ERCC6L2: variants seen among roughly 807,000 people sequenced by gnomAD.
ERCC6L2 encodes ERCC excision repair 6 like 2.
ERCC6L2 carries 77 observed loss-of-function variants against 132.0 expected under a neutral mutation model. The ratio of observed to expected loss-of-function variants is 0.58; its 90% confidence interval spans 0.49 to 0.71. ERCC6L2 has a LOEUF of 0.71. Ranked by LOEUF, ERCC6L2 falls within the 30% of genes least tolerant of loss-of-function variation. The pLI is 0.00. For synonymous variants in ERCC6L2, 583 were observed against 632.4 expected (o/e 0.92, Z 1.17); for missense variants, 1,542 against 1,837.6 (o/e 0.84, Z 2.94).
intron 16 of ERCC6L2, among the ~76,000 whole-genome samples, chr9:95,975,206 G>A (rs897658160): frequency 6.6e-6 from 1 of 152,044 alleles, no homozygotes; most frequent in Non-Finnish European, 1.5e-5. Context: ...TGGTCCACAG[G>A]TAACTACACA....
At chr9:96,001,781 C>G (rs1056474936) in intron 17 of ERCC6L2, among the ~76,000 whole-genome samples, 11 of 152,212 alleles carry the variant, frequency 7.2e-5, no homozygotes, top group African/African-American at 2.7e-4. Context: ...TGGCGCTCGT[C>G]GGGGAGGCTT....
In ERCC6L2 at chr9:95,928,655, T is replaced by C. The variant is rs997252999; in HGVS notation, c.1606-64T>C. On this transcript the variant is annotated intron_variant, in intron 10 of 18. Coordinates refer to ENST00000653738, the MANE Select transcript of ERCC6L2 (RefSeq NM_020207.7). The stretch of plus-strand genomic sequence containing the variant: ...ATTAATACTTAACAAGTCTCAACTT[T>C]GTAATGGTCTGAAACTTACTTAACC... 11 of 1,418,392 alleles carry C rather than the reference T, an allele frequency of 7.8e-6. No individual in the cohort carries two copies. In the African/African-American group the frequency reaches 1.0e-4, roughly 13 times the overall value. 87.9% of individuals were successfully genotyped at this position (1,418,392 alleles called of 1,614,324 possible).
intron 19 of ERCC6L2, among the ~76,000 whole-genome samples, chr9:96,037,523 C>T (rs917348576): frequency 1.3e-5 from 2 of 152,128 alleles, no homozygotes; most frequent in Non-Finnish European, 2.9e-5. Flanking sequence ...AGATAGAAGG[C>T]CCTGAGGTTC....
intron 13 of ERCC6L2, among the ~76,000 whole-genome samples, chr9:95,957,948 A>G (rs1831695387): frequency 6.6e-6 from 1 of 151,578 alleles, no homozygotes; most frequent in Non-Finnish European, 1.5e-5. Flanking sequence ...ACATATGTAT[A>G]CATGTGCCAT....
intron 19 of ERCC6L2, among the ~76,000 whole-genome samples, chr9:96,029,093 A>G (rs1300677524): frequency 1.3e-5 from 2 of 152,070 alleles, no homozygotes; most frequent in Non-Finnish European, 2.9e-5. Flanking sequence ...TCACAAGGTC[A>G]GGAGATCGAG....
chr9:95,976,816 T>C (rs1832691522), intron 16 of ERCC6L2, among the ~76,000 whole-genome samples: 1 of 152,226 alleles, frequency 6.6e-6, no homozygotes, highest in African/African-American at 2.4e-5. Flanking sequence ...GTCTGACTTA[T>C]TCCCCAAAAA....
chr9:96,006,710 G>A (rs1018475978), intron 18 of ERCC6L2, among the ~76,000 whole-genome samples: 2 of 152,128 alleles, frequency 1.3e-5, no homozygotes, highest in African/African-American at 2.4e-5. Context: ...CACAGGCCAC[G>A]CTCTGGCCTT....
At chr9:95,997,236 A>G (rs1002818425) in intron 17 of ERCC6L2, among the ~76,000 whole-genome samples, 2 of 152,248 alleles carry the variant, frequency 1.3e-5, no homozygotes, top group African/African-American at 4.8e-5. Flanking sequence ...CAAAATATCT[A>G]CATTAACAGA....
chr9:95,981,779 C>T (rs1832903442), intron 17 of ERCC6L2, among the ~76,000 whole-genome samples: 1 of 152,140 alleles, frequency 6.6e-6, no homozygotes, highest in South Asian at 2.1e-4. Context: ...CTCCTTTTCT[C>T]AGTCAACTGC....
chr9:95,939,626 C>T (rs148631253), intron 11 of ERCC6L2, among the ~76,000 whole-genome samples: 91 of 152,228 alleles, frequency 6.0e-4, no homozygotes, highest in Non-Finnish European at 9.9e-4. Context: ...AGCTATTTTT[C>T]CATTCCAAAA....
chr9:95,901,917 C>T (rs1828798830), intron 3 of ERCC6L2, among the ~76,000 whole-genome samples: 1 of 152,082 alleles, frequency 6.6e-6, no homozygotes, highest in South Asian at 2.1e-4. Flanking sequence ...TCATTTAAAA[C>T]AATGTATGTT....
rs561181958 is a variant in ERCC6L2 at position 95,973,391 on chromosome 9, T to G, written c.3337+303T>G. 2.2e-4 allele frequency among the ~76,000 whole-genome samples: 34 copies of G among 152,276 alleles called. 1 individual carries two copies. The highest frequency in any genetic ancestry group is 1.2e-3 in the South Asian group (6 of 4,824). ...ACTTATTTACATTTATATGGTTTTA[T>G]CACCAAATGTGCATCCCCAGGTGAA... On this transcript the variant is annotated intron_variant, in intron 16 of 18. Transcript: ENST00000653738.
chr9:95,937,160 T>C (rs1305902618), intron 11 of ERCC6L2, among the ~76,000 whole-genome samples: 1 of 152,210 alleles, frequency 6.6e-6, no homozygotes, highest in African/African-American at 2.4e-5. Context: ...TGCTGCATTA[T>C]GTGATAGTTG....
intron 4 of ERCC6L2, among the ~76,000 whole-genome samples, chr9:95,910,911 G>A (rs1357247133): frequency 6.6e-6 from 1 of 152,024 alleles, no homozygotes; most frequent in Non-Finnish European, 1.5e-5. Flanking sequence ...CAGACCTCAG[G>A]TTTTGTTTTG....
intron 16 of ERCC6L2, among the ~76,000 whole-genome samples, chr9:95,976,836 A>G (rs1430482513): frequency 6.6e-6 from 1 of 152,212 alleles, no homozygotes; most frequent in African/African-American, 2.4e-5. Flanking sequence ...ACTATATGAA[A>G]GAAGCTGAGA....
Position 95,972,531 on chromosome 9 carries a change from G to C in ERCC6L2, c.2780G>C (p.Gly927Ala). The change falls in exon 16 of 19, where the codon GGA (glycine) becomes GCA (alanine). Residue 927 changes from glycine to alanine, a missense_variant. Gly to Ala is a moderately conservative substitution (Grantham distance 60). This residue lies in a region of ERCC6L2 where 945 missense variants were observed against 1,105.2 expected (regional missense o/e 0.86). Coordinates refer to ENST00000653738, the MANE Select transcript of ERCC6L2 (RefSeq NM_020207.7). ...ATAAGGTTTAAGCCACCCTTGGAAG[G>C]ATCTGAGGATTCTGAAACAGAACAC... ...NSIRFKPPLEGSEDSETEHTV... is the reference protein window; with the variant it reads ...NSIRFKPPLEASEDSETEHTV... 1 of 1,289,948 alleles carries C rather than the reference G, an allele frequency of 7.8e-7. No homozygotes were observed. Among genetic ancestry groups the C allele is most frequent in the Non-Finnish European group, 1.0e-6 (1 of 988,894 alleles). 79.9% of individuals were successfully genotyped at this position (1,289,948 alleles called of 1,614,324 possible). A position where few individuals can be genotyped will look rare whatever the true frequency, so the allele number is the denominator to read the frequency against.
At position 95,876,006 on chromosome 9, in the gene ERCC6L2, A is replaced by G. The variant is rs690528; in HGVS notation, c.-33A>G. 0.3 allele frequency: 474,938 copies of G among 1,570,194 alleles called. 73,488 individuals carry two copies. The highest frequency in any genetic ancestry group is 0.34 in the East Asian group (14,345 of 41,980). On this transcript the variant is annotated 5_prime_UTR_variant, in exon 1 of 19. It removes an upstream start codon present in the reference 5' UTR. Transcript: ENST00000653738. ...TCCTCCGCCGCCTTCCGGGTGTTACATGCAGCCGGGCTCGGCCCCTCCCCC... is the reference window on the plus strand; with the variant it reads ...TCCTCCGCCGCCTTCCGGGTGTTACGTGCAGCCGGGCTCGGCCCCTCCCCC...
At position 96,012,307 on chromosome 9, in the gene ERCC6L2, G is replaced by A. The variant is rs1319893764; in HGVS notation, c.3757G>A (p.Glu1253Lys). 7.4e-7 allele frequency: 1 copy of A among 1,354,660 alleles called. No individual in the cohort carries two copies. The allele number at this position is 1,354,660 out of a possible 1,614,324, so 83.9% of individuals were successfully genotyped here. A position where few individuals can be genotyped will look rare whatever the true frequency, so the allele number is the denominator to read the frequency against. ...FAKHITNATSEERQKMLRDFY... is the reference protein window; with the variant it reads ...FAKHITNATSKERQKMLRDFY... ...TAAACATATAACCAATGCCACATCA[G>A]AAGAACGACAGAAAATGCTAAGAGA... The change falls in exon 19 of 19, where the codon GAA becomes AAA. Residue 1253 changes from glutamate to lysine, a missense_variant. Around this residue, in one of 4 missense-constraint regions of ERCC6L2, gnomAD observed 442 missense variants for 583.4 expected, o/e 0.76. Coordinates refer to ENST00000653738, the MANE Select transcript of ERCC6L2 (RefSeq NM_020207.7).
chr9:96,038,840 G>A, intron 19 of ERCC6L2: 1 of 456,296 alleles, frequency 2.2e-6, no homozygotes, highest in Non-Finnish European at 4.4e-6. Flanking sequence ...TGAACAAAAT[G>A]TAGCAGCAGT....
Sources: gnomAD v4.1 joint callset for allele counts (sites outside exome capture counted in the v4.1 genomes callset) on GRCh38, gnomAD v4.1.1 for gene constraint, gnomAD v4.1.1 regional missense constraint, MANE v1.5 for transcripts, NCBI Gene and HGNC (gene_info 2026-07-23, HGNC 2026-07-21) for gene names.